The following NPAS3 variants were observed in gnomAD, a reference collection of about 807,000 sequenced individuals.
NPAS3 encodes the protein neuronal PAS domain-containing protein 3.
A neutral mutation model predicts 73.1 loss-of-function variants in NPAS3; 14 were observed. The observed-to-expected ratio is 0.19, with a 90% CI of 0.13 to 0.30. The LOEUF (loss-of-function observed/expected upper bound fraction) is 0.30. Ranked by LOEUF, NPAS3 falls within the 10% of genes least tolerant of loss-of-function variation. NPAS3 has a pLI of 1.00. For synonymous variants in NPAS3, 620 were observed against 541.5 expected (o/e 1.14, Z -2.01); for missense variants, 1,096 against 1,250.0 (o/e 0.88, Z 1.86).
intron 4 of NPAS3, among the ~76,000 whole-genome samples, chr14:33,544,788 T>TTATACATATATATATATATATATATA (rs1555409892): frequency 2.1e-4 from 13 of 63,254 alleles, no homozygotes; most frequent in African/African-American, 1.1e-3. Context: ...TGTGTGTGTA[T>TTATACATATATATATATATATATATA]TATATATATA....
rs927016966 is a variant in NPAS3 at position 33,736,489 on chromosome 14, C to T, written c.852+1157C>T. ...CAGCTCCACCTGCTCTAGCTCTACC[C>T]GATAGAGGCTTCTTACAAAGGAGTG... On this transcript the variant is annotated intron_variant, in intron 7 of 11. Transcript: ENST00000356141. Among the ~76,000 whole-genome samples, 10 of 152,128 alleles carry T rather than the reference C, an allele frequency of 6.6e-5. No individual in the cohort carries two copies. In the East Asian group the frequency reaches 1.2e-3, roughly 18 times the overall value.
chr14:33,707,571 G>A (rs2060691327), intron 6 of NPAS3, among the ~76,000 whole-genome samples: 1 of 152,184 alleles, frequency 6.6e-6, no homozygotes, highest in African/African-American at 2.4e-5. Context: ...TGATAGGCGA[G>A]AAATAAAAAC....
At chr14:33,223,233 C>T (rs578190319) in intron 3 of NPAS3, among the ~76,000 whole-genome samples, 10 of 152,222 alleles carry the variant, frequency 6.6e-5, no homozygotes, top group Admixed American at 2.0e-4. Flanking sequence ...ATCGCTTGAA[C>T]GTGGGAGGCA....
At chr14:33,436,185 A>T (rs546091711) in intron 4 of NPAS3, among the ~76,000 whole-genome samples, 1 of 152,146 alleles carries the variant, frequency 6.6e-6, no homozygotes, top group African/African-American at 2.4e-5. Flanking sequence ...TCGAGAGGTG[A>T]CTCCTTTCTC....
At chr14:33,793,245 C>A (rs2063415196) in intron 9 of NPAS3, among the ~76,000 whole-genome samples, 1 of 152,240 alleles carries the variant, frequency 6.6e-6, no homozygotes, top group African/African-American at 2.4e-5. Flanking sequence ...CAAGTCAATT[C>A]TGTGCCTCCC....
intron 4 of NPAS3, among the ~76,000 whole-genome samples, chr14:33,462,374 C>T (rs2139514194): frequency 6.6e-6 from 1 of 152,282 alleles, no homozygotes; most frequent in South Asian, 2.1e-4. Context: ...CTCTCTGCCC[C>T]TTTGAGGTCG....
chr14:33,303,608 C>G (rs1014161677), intron 3 of NPAS3, among the ~76,000 whole-genome samples: 8 of 152,120 alleles, frequency 5.3e-5, no homozygotes, highest in African/African-American at 1.9e-4. Context: ...TATTAGCAAG[C>G]ATAGATTGAT....
intron 3 of NPAS3, among the ~76,000 whole-genome samples, chr14:33,338,828 C>T (rs2044345828): frequency 6.6e-6 from 1 of 152,130 alleles, no homozygotes; most frequent in South Asian, 2.1e-4. Context: ...ACATCCCATA[C>T]TCAAACAAAA....
At chr14:33,398,274 G>C (rs141767385) in intron 4 of NPAS3, among the ~76,000 whole-genome samples, 1 of 152,166 alleles carries the variant, frequency 6.6e-6, no homozygotes, top group Non-Finnish European at 1.5e-5. Context: ...CAGAGCCCCA[G>C]TCAGAACCAC....
At chr14:33,354,050 T>G (rs766866259) in intron 3 of NPAS3, among the ~76,000 whole-genome samples, 1 of 152,222 alleles carries the variant, frequency 6.6e-6, no homozygotes, top group Non-Finnish European at 1.5e-5. Context: ...AGTGTGTTGC[T>G]TATTTCTCAG....
At chr14:33,641,975 A>G (rs929463787) in intron 5 of NPAS3, among the ~76,000 whole-genome samples, 2 of 152,156 alleles carry the variant, frequency 1.3e-5, no homozygotes, top group African/African-American at 4.8e-5. Context: ...TCAATAATTC[A>G]TCGATTCCCA....
At chr14:33,385,351 T>C (rs2046733008) in intron 4 of NPAS3, among the ~76,000 whole-genome samples, 1 of 152,190 alleles carries the variant, frequency 6.6e-6, no homozygotes, top group African/African-American at 2.4e-5. Flanking sequence ...TTTCTTTTCA[T>C]GCTAATTTTC....
At chr14:33,129,623 T>G (rs1241753828) in intron 2 of NPAS3, among the ~76,000 whole-genome samples, 1 of 152,132 alleles carries the variant, frequency 6.6e-6, no homozygotes, top group African/African-American at 2.4e-5. Flanking sequence ...ATTTGGTTGT[T>G]CCCAATTGTA....
At chr14:33,612,904 T>A (rs2057795184) in intron 5 of NPAS3, among the ~76,000 whole-genome samples, 2 of 152,166 alleles carry the variant, frequency 1.3e-5, no homozygotes, top group Non-Finnish European at 2.9e-5. Context: ...TTTTAAATTG[T>A]TTTTCGTTTT....
At chr14:33,659,523 A>G (rs563288172) in intron 5 of NPAS3, among the ~76,000 whole-genome samples, 230 of 152,322 alleles carry the variant, frequency 1.5e-3, no homozygotes, top group Middle Eastern at 3.4e-3. Flanking sequence ...TATCCTGGGA[A>G]GTCCCTTTTA....
intron 2 of NPAS3, among the ~76,000 whole-genome samples, chr14:33,199,977 A>G (rs995043079): frequency 6.6e-6 from 1 of 152,076 alleles, no homozygotes; most frequent in Non-Finnish European, 1.5e-5. Context: ...CTTGTTTAGC[A>G]TGTACATTTA....
intron 2 of NPAS3, among the ~76,000 whole-genome samples, chr14:33,180,802 G>GAAAAA (rs869085160): frequency 1.3e-5 from 1 of 74,702 alleles, no homozygotes. Context: ...CTGTCTCCAA[G>GAAAAA]AAAAAAAAAA....
intron 2 of NPAS3, among the ~76,000 whole-genome samples, chr14:33,198,859 C>T: frequency 6.6e-6 from 1 of 152,208 alleles, no homozygotes; most frequent in East Asian, 1.9e-4. Context: ...TGGCAGGCTG[C>T]AGGTCCCGGA....
chr14:33,400,652 T>C (rs17101012), intron 4 of NPAS3, among the ~76,000 whole-genome samples: 17,423 of 152,130 alleles, frequency 0.11, 1,460 homozygotes, highest in East Asian at 0.37. Flanking sequence ...TTTAGTTCAA[T>C]GAGAAGACAG....
Sources: allele counts gnomAD v4.1 joint callset (sites outside exome capture counted in the v4.1 genomes callset), GRCh38; gene constraint gnomAD v4.1.1; transcripts MANE v1.5; gene names NCBI Gene and HGNC (gene_info 2026-07-23, HGNC 2026-07-21).